BAHCC1: variants seen among roughly 807,000 people sequenced by gnomAD.
BAHCC1 encodes the protein BAH and coiled-coil domain-containing protein 1.
A neutral mutation model predicts 88.2 loss-of-function variants in BAHCC1; 43 were observed. The ratio of observed to expected loss-of-function variants is 0.49; its 90% CI spans 0.38 to 0.63. The LOEUF is 0.63. BAHCC1 is among the 20% of genes least tolerant of loss of function. BAHCC1 has a pLI of 0.00. For synonymous variants in BAHCC1, 1,510 were observed against 745.5 expected (o/e 2.03, Z -16.71); for missense variants, 3,023 against 1,654.8 (o/e 1.83, Z -14.34).
At chr17:81,457,353 C>T in intron 16 of BAHCC1, 57 bp from the exon 17 acceptor site, 1 of 721,240 alleles carries the variant, frequency 1.4e-6, no homozygotes, top group Middle Eastern at 2.3e-4. Flanking sequence ...ACCTCCCCCA[C>T]CTCTCAATGG....
chr17:81,430,020 C>T (rs911579206), intron 3 of BAHCC1, among the ~76,000 whole-genome samples: 40 of 152,328 alleles, frequency 2.6e-4, no homozygotes, highest in Non-Finnish European at 5.0e-4. Context: ...CCTCCCGGCC[C>T]GCAGCTTACC....
intron 2 of BAHCC1, among the ~76,000 whole-genome samples, chr17:81,414,969 G>C (rs895096459): frequency 5.3e-5 from 8 of 152,136 alleles, no homozygotes; most frequent in Non-Finnish European, 1.0e-4. Context: ...TACTATCCTC[G>C]CCAGCAGCTG....
At chr17:81,436,617 G>A (rs1362375666) in intron 3 of BAHCC1, among the ~76,000 whole-genome samples, 7 of 88,530 alleles carry the variant, frequency 7.9e-5, no homozygotes, top group Middle Eastern at 5.2e-3. Flanking sequence ...CTCCCACCCC[G>A]TCCCTCTCAG....
At chr17:81,413,827 G>A (rs560126118) in intron 2 of BAHCC1, among the ~76,000 whole-genome samples, 5 of 152,236 alleles carry the variant, frequency 3.3e-5, no homozygotes, top group African/African-American at 7.2e-5. Context: ...TGGATGGGGC[G>A]CAGGGCTCGC....
chr17:81,408,769 C>A (rs1419387440), intron 2 of BAHCC1, among the ~76,000 whole-genome samples: 6 of 152,202 alleles, frequency 3.9e-5, no homozygotes, highest in Admixed American at 1.3e-4. Context: ...CCCTGCCCAG[C>A]CCCCCTGGCT....
Position 81,461,328 on chromosome 17 carries a change from C to T in BAHCC1, c.6665C>T (p.Thr2222Ile), listed in dbSNP as rs967210155. 1 of 731,644 alleles carries T rather than the reference C, an allele frequency of 1.4e-6. No homozygotes were observed. The highest frequency in any genetic ancestry group is 2.5e-6 in the Non-Finnish European group (1 of 396,816). 45.3% of individuals were successfully genotyped at this position (731,644 alleles called of 1,614,324 possible). The change falls in exon 26 of 28, where the codon ACC (threonine) becomes ATC (isoleucine). Residue 2222 changes from threonine (T) to isoleucine (I), a missense_variant. Transcript: ENST00000675386. ...HEGVTSPKNK[T>I]CKALLMGDKD... is the part of the protein sequence containing the mutation. ...GGTGTGACCTCCCCCAAGAACAAGA[C>T]CTGCAAGGCGTTGCTCATGGGGGAC...
chr17:81,405,404 C>T lies in BAHCC1; in HGVS notation c.178+5487C>T, dbSNP rs374525602. Among the ~76,000 whole-genome samples, 4 of 152,294 alleles carry T rather than the reference C, an allele frequency of 2.6e-5. No homozygotes were observed. In the East Asian group the frequency reaches 7.7e-4, roughly 29 times the overall value. On this transcript the variant is annotated intron_variant, in intron 2 of 27. Transcript: ENST00000675386. ...GAGGCAGCAGATGTTTATATATAGC[C>T]ACTTCCCAGGAGTTTTAAACATCCA... is the stretch of plus-strand genomic sequence containing the variant.
At chr17:81,433,923 C>G (rs113941175) in intron 3 of BAHCC1, among the ~76,000 whole-genome samples, 3 of 152,232 alleles carry the variant, frequency 2.0e-5, no homozygotes, top group African/African-American at 7.2e-5. Context: ...GGGGGTGTCC[C>G]GTGAAGAGCC....
rs1225360507 is a variant in BAHCC1, at chr17:81,458,895, C to G, written c.5531C>G (p.Ser1844Trp). The change falls in exon 20 of 28, where the codon TCG becomes TGG. Residue 1844 changes from serine (S) to tryptophan (W), a missense_variant. By Grantham distance (177) the Ser-to-Trp change is radical. Transcript: ENST00000675386. Reference protein sequence around the residue: ...DFEFDDNSSFSEEEEDEEEEE... With the variant: ...DFEFDDNSSFWEEEEDEEEEE... ...GAGTTCGACGACAACAGCAGCTTCT[C>G]GGAAGAGGAGGAGGACGAGGAGGAA... 2.6e-6 allele frequency: 2 copies of G among 774,048 alleles called. No individual in the cohort carries two copies. The highest frequency in any genetic ancestry group is 1.3e-5 in the South Asian group (1 of 74,262). The allele number at this position is 774,048 out of a possible 1,614,324, so 47.9% of individuals were successfully genotyped here.
At chr17:81,457,728 G>A in intron 17 of BAHCC1, 136 bp downstream of exon 17, 1 of 591,708 alleles carries the variant, frequency 1.7e-6, no homozygotes, top group Non-Finnish European at 3.0e-6. Flanking sequence ...CAGGAGGGAG[G>A]GCAGGGGTTG....
In BAHCC1 at chr17:81,444,803, C is replaced by G. The variant is rs376098022; in HGVS notation, c.2648C>G (p.Pro883Arg). The G allele has an allele frequency of 3.9e-6, 3 of 777,374 alleles. No individual in the cohort carries two copies. The African/African-American group carries it at 5.1e-5, about 13-fold the overall frequency. The allele number at this position is 777,374 out of a possible 1,614,324, so 48.2% of individuals were successfully genotyped here. A position where few individuals can be genotyped will look rare whatever the true frequency, so the allele number is the denominator to read the frequency against. Residue 883 changes from proline to arginine, a missense_variant, in exon 8 of 28, where the codon CCC (proline) becomes CGC (arginine). Physicochemically the swap from Pro to Arg is moderately radical, Grantham distance 103. Coordinates refer to ENST00000675386, the MANE Select transcript of BAHCC1 (RefSeq NM_001377448.1). The stretch of plus-strand genomic sequence containing the variant: ...GTCATCCTGCCCTCAGAGCCCACAC[C>G]CCACAGCGCCCCCCACGCACTTGGT... ...QLVILPSEPT[P>R]HSAPHALADV...
Position 81,399,212 on chromosome 17 carries a change from C to G in BAHCC1, c.-206-322C>G. 2.3e-6 allele frequency: 1 copy of G among 425,932 alleles called. No homozygotes were observed. 26.4% of individuals were successfully genotyped at this position (425,932 alleles called of 1,614,324 possible). On this transcript the variant is annotated intron_variant, in intron 1 of 27. Coordinates refer to ENST00000675386, the MANE Select transcript of BAHCC1 (RefSeq NM_001377448.1). This position sits in a 1 kb window ranked among gnomAD's most constrained non-coding sequence, Gnocchi z 4.5. Reference sequence around the variant, plus strand: ...TTTATCACCCAGCAGAGCCAGCAGCCTCTTCGCCGCGGCGCCCTAGCTGCA... The same window carrying G: ...TTTATCACCCAGCAGAGCCAGCAGCGTCTTCGCCGCGGCGCCCTAGCTGCA...
intron 10 of BAHCC1, 127 bp downstream of exon 10, chr17:81,445,808 C>T (rs542241510): frequency 1.6e-6 from 1 of 613,968 alleles, no homozygotes; most frequent in Admixed American, 2.8e-5. Flanking sequence ...CCCAGGGCAG[C>T]ATGGCTGTTC....
In BAHCC1 at chr17:81,464,876, TC is replaced by T. The variant is rs1555660373; in HGVS notation, c.*1061del. 1.6e-4 allele frequency: 24 copies of T among 152,292 alleles called. No homozygotes were observed. The highest frequency in any genetic ancestry group is 5.8e-4 in the African/African-American group (24 of 41,470). 9.4% of individuals were successfully genotyped at this position (152,292 alleles called of 1,614,324 possible). A position where few individuals can be genotyped will look rare whatever the true frequency, so the allele number is the denominator to read the frequency against. Reference sequence around the variant, plus strand: ...GAAGCAGGGCCCAGCTCTGAGCCCCTCCTCACCCCTGGGGTCCTAACTTTCC... The same window carrying T: ...GAAGCAGGGCCCAGCTCTGAGCCCCTCTCACCCCTGGGGTCCTAACTTTCC... On this transcript the variant is annotated 3_prime_UTR_variant, in exon 28 of 28. Transcript: ENST00000675386.
rs1229294697 is a variant in BAHCC1 at position 81,409,323 on chromosome 17, A to G, written c.178+9406A>G. The stretch of plus-strand genomic sequence containing the variant: ...GCTGTCCTCTCCTGATTAGCGCCAC[A>G]CGAGGTGGTGGGAGACAGAAGTGGG... On this transcript the variant is annotated intron_variant, in intron 2 of 27. Transcript: ENST00000675386. 2.0e-5 allele frequency among the ~76,000 whole-genome samples: 3 copies of G among 149,136 alleles called. No individual in the cohort carries two copies. In the East Asian group the frequency reaches 6.0e-4, roughly 30 times the overall value.
chr17:81,430,073 G>A (rs2064243456), intron 3 of BAHCC1, among the ~76,000 whole-genome samples: 1 of 152,192 alleles, frequency 6.6e-6, no homozygotes, highest in Non-Finnish European at 1.5e-5. Flanking sequence ...TCTGGGGCTT[G>A]GGGTGGGGGC....
At position 81,451,792 on chromosome 17, in the gene BAHCC1, C is replaced by T; in HGVS notation, c.4101C>T (p.Asn1367=). ...STAPAQPPTA[N]PCSGPRLTPR... ...CCCCAGCGCAGCCGCCCACAGCCAA[C>T]CCCTGCAGCGGCCCCAGGCTCACCC... The change falls in exon 12 of 28, where the codon AAC becomes AAT. Residue 1367 remains asparagine, a synonymous_variant. Transcript: ENST00000675386. 1.3e-6 allele frequency: 1 copy of T among 764,086 alleles called. No homozygotes were observed. The highest frequency in any genetic ancestry group is 2.4e-6 in the Non-Finnish European group (1 of 415,768). The allele number at this position is 764,086 out of a possible 1,614,324, so 47.3% of individuals were successfully genotyped here.
At chr17:81,401,357 C>T (rs552438900) in intron 2 of BAHCC1, 2 of 152,806 alleles carry the variant, frequency 1.3e-5, no homozygotes, top group East Asian at 3.9e-4. Context: ...GCGAGGCTGC[C>T]CTTTTCTCTC....
chr17:81,395,871 T>C (rs782435598), intron 1 of BAHCC1: 1 of 152,004 alleles, frequency 6.6e-6, no homozygotes, highest in Non-Finnish European at 1.5e-5. Context: ...ATCTTATCGA[T>C]CGGTTTAAAA....
Sources: allele counts gnomAD v4.1 joint callset (sites outside exome capture counted in the v4.1 genomes callset), GRCh38; gene constraint gnomAD v4.1.1; non-coding constraint Gnocchi (gnomAD v3.1); transcripts MANE v1.5; gene names NCBI Gene and HGNC (gene_info 2026-07-23, HGNC 2026-07-21).